CALN1: variants seen among roughly 807,000 people sequenced by gnomAD.
CALN1 encodes the protein calcium-binding protein 8.
CALN1 carries 17 observed loss-of-function variants against 30.6 expected under a neutral mutation model. The ratio of observed to expected loss-of-function variants is 0.56; its 90% confidence interval spans 0.38 to 0.83. CALN1 has a LOEUF of 0.83. Among genes scored for constraint, CALN1 ranks in the 40% least tolerant of loss-of-function variants. The probability of loss-of-function intolerance (pLI) is 0.00; values close to 1 mark genes in which losing one functional copy is unlikely to be tolerated. For missense variants in CALN1, 291 were observed against 354.9 expected (o/e 0.82, Z 1.45); for synonymous variants, 156 against 131.4 (o/e 1.19, Z -1.28).
At chr7:71,868,934 G>C (rs1369263248) in intron 5 of CALN1, among the ~76,000 whole-genome samples, 1 of 152,164 alleles carries the variant, frequency 6.6e-6, no homozygotes, top group Admixed American at 6.5e-5. Flanking sequence ...CTGACTCCAG[G>C]AAGGAGACCA....
At chr7:72,406,451 C>T (rs1174945396) in intron 1 of CALN1, among the ~76,000 whole-genome samples, 1 of 152,090 alleles carries the variant, frequency 6.6e-6, no homozygotes, top group African/African-American at 2.4e-5. Flanking sequence ...GATGCGATTC[C>T]TAAGGGTGAT....
At chr7:71,987,500 T>C (rs890635842) in intron 5 of CALN1, among the ~76,000 whole-genome samples, 2 of 152,130 alleles carry the variant, frequency 1.3e-5, no homozygotes, top group African/African-American at 4.8e-5. Context: ...GAGGGGCCCA[T>C]GGGCACAGGG....
chr7:72,254,556 T>A (rs1795785579), intron 3 of CALN1, among the ~76,000 whole-genome samples: 1 of 152,120 alleles, frequency 6.6e-6, no homozygotes, highest in Non-Finnish European at 1.5e-5. Flanking sequence ...GAGAGGGCAA[T>A]GCTTTAGGGC....
chr7:72,280,236 G>C (rs1332290147), intron 2 of CALN1, among the ~76,000 whole-genome samples: 3 of 152,076 alleles, frequency 2.0e-5, no homozygotes, highest in African/African-American at 7.2e-5. Flanking sequence ...ACAACAACTG[G>C]GACAACTCTC....
intron 5 of CALN1, among the ~76,000 whole-genome samples, chr7:71,886,993 G>A (rs1332898526): frequency 1.3e-5 from 2 of 152,052 alleles, no homozygotes; most frequent in East Asian, 3.9e-4. Flanking sequence ...CTTAGTTGAA[G>A]GAACCATGAG....
intron 3 of CALN1, among the ~76,000 whole-genome samples, chr7:72,174,465 CTATTACT>C (rs1789191578): frequency 6.6e-6 from 1 of 152,018 alleles, no homozygotes; most frequent in Admixed American, 6.6e-5. Flanking sequence ...ACATTTTTGA[CTATTACT>C]TATAATAGTC....
the CALN1 span, among the ~76,000 whole-genome samples, chr7:72,486,149 C>T: frequency 5.3e-5 from 8 of 152,036 alleles, no homozygotes; most frequent in East Asian, 1.9e-4. Context: ...CTGCTGGCAA[C>T]GGTAAAACAA....
intron 5 of CALN1, among the ~76,000 whole-genome samples, chr7:71,811,701 G>A (rs1406556717): frequency 7.2e-6 from 1 of 138,776 alleles, no homozygotes; most frequent in Non-Finnish European, 1.6e-5. Flanking sequence ...TTTCCGAAAT[G>A]GAGTCTTGCT....
chr7:71,835,854 C>G (rs537435956), intron 5 of CALN1, among the ~76,000 whole-genome samples: 2 of 152,266 alleles, frequency 1.3e-5, no homozygotes, highest in African/African-American at 2.4e-5. Context: ...GCTCTTTTGT[C>G]CTCGTGAATC....
chr7:72,091,385 A>G (rs970701565), intron 4 of CALN1, among the ~76,000 whole-genome samples: 1 of 151,402 alleles, frequency 6.6e-6, no homozygotes, highest in Non-Finnish European at 1.5e-5. Context: ...CAAAATAACT[A>G]AAAGAGTGCA....
At chr7:72,047,573 A>G (rs966188247) in intron 4 of CALN1, among the ~76,000 whole-genome samples, 1 of 152,202 alleles carries the variant, frequency 6.6e-6, no homozygotes, top group Non-Finnish European at 1.5e-5. Context: ...AGAGTAACGG[A>G]GCAAAACCTT....
intron 5 of CALN1, among the ~76,000 whole-genome samples, chr7:71,969,616 G>A (rs894384400): frequency 6.6e-6 from 1 of 152,124 alleles, no homozygotes; most frequent in Non-Finnish European, 1.5e-5. Context: ...GAGGAATAAG[G>A]ATCTGAACAT....
At chr7:71,958,088 G>A (rs1188670615) in intron 5 of CALN1, among the ~76,000 whole-genome samples, 100 of 124,982 alleles carry the variant, frequency 8.0e-4, no homozygotes, top group East Asian at 1.2e-3. Flanking sequence ...AAAAAAGAAA[G>A]AAAGAAAAAA....
intron 5 of CALN1, among the ~76,000 whole-genome samples, chr7:72,019,284 T>TGGGGCAGCAATGTCAGATCAGAAGTTG (rs1437986260): frequency 1.3e-5 from 2 of 152,106 alleles, no homozygotes; most frequent in Non-Finnish European, 2.9e-5. Context: ...ATGGAAGGCT[T>TGGGGCAGCAATGTCAGATCAGAAGTTG]GGGGCAGCAA....
At chr7:72,290,126 A>G (rs1798379978) in intron 2 of CALN1, among the ~76,000 whole-genome samples, 3 of 120,888 alleles carry the variant, frequency 2.5e-5, no homozygotes, top group South Asian at 2.9e-4. Context: ...AAAAAAAAAA[A>G]GGATGCATTT....
At chr7:72,370,993 A>G (rs898855705) in intron 2 of CALN1, among the ~76,000 whole-genome samples, 26 of 150,612 alleles carry the variant, frequency 1.7e-4, no homozygotes, top group African/African-American at 6.1e-4. Context: ...GGTTGCAGTA[A>G]GCCAAGATCA....
At chr7:72,184,514 T>A (rs1585114190) in intron 3 of CALN1, among the ~76,000 whole-genome samples, 1 of 152,266 alleles carries the variant, frequency 6.6e-6, no homozygotes, top group East Asian at 1.9e-4. Context: ...GACACAGTTC[T>A]GGCACATAGG....
intron 3 of CALN1, among the ~76,000 whole-genome samples, chr7:72,267,918 G>T (rs1796700038): frequency 6.6e-6 from 1 of 152,138 alleles, no homozygotes; most frequent in South Asian, 2.1e-4. Flanking sequence ...GAGATGGCAG[G>T]ATTGCTTGAG....
rs1803903673 is a variant in CALN1 at position 72,366,820 on chromosome 7, T to C, written c.119+36431A>G. The stretch of plus-strand genomic sequence containing the variant: ...GACCTGGCAGTTTCTTTCTCAGGGA[T>C]ATAACCAACAAAAAAAAAGGTGTTG... On this transcript the variant is annotated intron_variant, in intron 2 of 6. Coordinates refer to ENST00000395275, the MANE Select transcript of CALN1 (RefSeq NM_031468.4). Among the ~76,000 whole-genome samples the C allele has an allele frequency of 3.5e-5, 4 of 114,292 alleles. No individual in the cohort carries two copies. In the South Asian group the frequency reaches 1.2e-3, roughly 35 times the overall value. 75.0% of individuals were successfully genotyped at this position (114,292 alleles called of 152,430 possible).
Sources: gnomAD v4.1 joint callset for allele counts (sites outside exome capture counted in the v4.1 genomes callset) on GRCh38, gnomAD v4.1.1 for gene constraint, MANE v1.5 for transcripts, NCBI Gene and HGNC (gene_info 2026-07-23, HGNC 2026-07-21) for gene names.